The following MAML3 variants were observed in gnomAD, a reference collection of about 807,000 sequenced individuals.
MAML3 encodes mastermind like transcriptional coactivator 3.
A neutral mutation model predicts 101.9 loss-of-function variants in MAML3; 27 were observed. The ratio of observed to expected loss-of-function variants is 0.27; its 90% CI spans 0.20 to 0.37. The LOEUF is 0.37. Among genes scored for constraint, MAML3 ranks in the 10% least tolerant of loss-of-function variants. The pLI is 1.00. For synonymous variants in MAML3, 501 were observed against 555.9 expected (o/e 0.90, Z 1.39); for missense variants, 1,316 against 1,444.9 (o/e 0.91, Z 1.45).
chr4:139,767,220 A>T (rs1430350300), intron 2 of MAML3, among the ~76,000 whole-genome samples: 1 of 152,164 alleles, frequency 6.6e-6, no homozygotes, highest in African/African-American at 2.4e-5. Flanking sequence ...TTGGCACGGA[A>T]TCTCTTTTGG....
intron 1 of MAML3, among the ~76,000 whole-genome samples, chr4:140,106,570 T>A (rs1446288341): frequency 1.3e-5 from 2 of 152,252 alleles, no homozygotes; most frequent in African/African-American, 2.4e-5. Flanking sequence ...AAATCAGTAT[T>A]TCCAAATACC....
At chr4:139,954,436 T>C (rs1733882676) in intron 1 of MAML3, among the ~76,000 whole-genome samples, 1 of 152,230 alleles carries the variant, frequency 6.6e-6, no homozygotes, top group South Asian at 2.1e-4. Flanking sequence ...TTTGTCAGAA[T>C]TTCTGCTGTG....
At chr4:139,893,378 T>G (rs953404001) in intron 1 of MAML3, among the ~76,000 whole-genome samples, 11 of 152,194 alleles carry the variant, frequency 7.2e-5, no homozygotes, top group African/African-American at 2.7e-4. Flanking sequence ...GAAATAGGTC[T>G]TTCCAAGCAG....
At chr4:139,736,961 G>C (rs370234243) in intron 2 of MAML3, among the ~76,000 whole-genome samples, 3 of 152,326 alleles carry the variant, frequency 2.0e-5, no homozygotes, top group East Asian at 3.9e-4. Flanking sequence ...GCTCAGGCCA[G>C]TGATGTTTGC....
intron 1 of MAML3, among the ~76,000 whole-genome samples, chr4:140,091,820 C>A (rs187764592): frequency 5.3e-5 from 8 of 151,904 alleles, no homozygotes; most frequent in African/African-American, 1.9e-4. Context: ...GCAGGGCAGA[C>A]CCAGGCTAGC....
In MAML3 at chr4:139,735,360, TTTC is replaced by T. The variant is rs1157937648; in HGVS notation, c.2080-4696_2080-4694del. Among the ~76,000 whole-genome samples, 1 of 152,086 alleles carries T rather than the reference TTTC, an allele frequency of 6.6e-6. No homozygotes were observed. Among genetic ancestry groups the T allele is most frequent in the Non-Finnish European group, 1.5e-5 (1 of 68,014 alleles). On this transcript the variant is annotated intron_variant, in intron 2 of 4. Coordinates refer to ENST00000509479, the MANE Select transcript of MAML3 (RefSeq NM_018717.5). This position sits in a 1 kb window ranked among gnomAD's most constrained non-coding sequence, Gnocchi z 5.8. ...CTGAACTGGTTTCTCATTACCGACT[TTTC>T]TTCCAGCCGGAGGGGAGGAAGAATT...
intron 1 of MAML3, among the ~76,000 whole-genome samples, chr4:140,126,784 A>G (rs1347081132): frequency 2.0e-5 from 3 of 152,156 alleles, no homozygotes; most frequent in East Asian, 3.9e-4. Context: ...AAAACCAAAC[A>G]TCTTCCCTCC....
chr4:140,074,246 A>AAAGG (rs1727729017), intron 1 of MAML3, among the ~76,000 whole-genome samples: 1 of 137,718 alleles, frequency 7.3e-6, no homozygotes, highest in East Asian at 2.0e-4. Flanking sequence ...AGAAAGAAAG[A>AAAGG]AAGAAAGAAA....
chr4:140,090,248 T>TG (rs1483047886), intron 1 of MAML3, among the ~76,000 whole-genome samples: 1 of 152,158 alleles, frequency 6.6e-6, no homozygotes, highest in Non-Finnish European at 1.5e-5. Context: ...TTTTCCAGTG[T>TG]GGAATATCCA....
At chr4:139,998,397 T>C (rs1036031556) in intron 1 of MAML3, among the ~76,000 whole-genome samples, 4 of 152,224 alleles carry the variant, frequency 2.6e-5, no homozygotes, top group African/African-American at 9.6e-5. Flanking sequence ...TTGATTCATG[T>C]TTGATTGATT....
chr4:140,152,571 AG>A (rs1195479370), intron 1 of MAML3, among the ~76,000 whole-genome samples: 2 of 151,934 alleles, frequency 1.3e-5, no homozygotes, highest in African/African-American at 4.8e-5. Flanking sequence ...AAACTTTTCC[AG>A]CACCTCACTC....
At chr4:140,137,680 G>A (rs1362018112) in intron 1 of MAML3, among the ~76,000 whole-genome samples, 1 of 152,242 alleles carries the variant, frequency 6.6e-6, no homozygotes, top group Non-Finnish European at 1.5e-5. Context: ...ATTAGAAAAA[G>A]TGGATGAGAA....
chr4:140,142,242 C>CAATATAT (rs1728990103), intron 1 of MAML3, among the ~76,000 whole-genome samples: 1 of 151,860 alleles, frequency 6.6e-6, no homozygotes, highest in Non-Finnish European at 1.5e-5. Flanking sequence ...TGATTATGTA[C>CAATATAT]AATATATAAT....
At chr4:139,894,508 TAAAA>T (rs1184853252) in intron 1 of MAML3, among the ~76,000 whole-genome samples, 3 of 84,174 alleles carry the variant, frequency 3.6e-5, no homozygotes, top group African/African-American at 1.0e-4. Context: ...GACTCCATCT[TAAAA>T]AAGAAAGAAA....
chr4:140,115,080 T>C (rs1728497231), intron 1 of MAML3, among the ~76,000 whole-genome samples: 1 of 152,220 alleles, frequency 6.6e-6, no homozygotes, highest in Admixed American at 6.5e-5. Flanking sequence ...TGAAGTCTCA[T>C]TTTAATACAA....
chr4:140,084,671 G>A (rs1727922463), intron 1 of MAML3, among the ~76,000 whole-genome samples: 1 of 151,674 alleles, frequency 6.6e-6, no homozygotes, highest in Non-Finnish European at 1.5e-5. Flanking sequence ...TTTATTTCCT[G>A]ACCTCCAAAA....
In MAML3 at chr4:139,982,458, G is replaced by A. The variant is rs557166713; in HGVS notation, c.469-91491C>T. On this transcript the variant is annotated intron_variant, in intron 1 of 4. Coordinates refer to ENST00000509479, the MANE Select transcript of MAML3 (RefSeq NM_018717.5). The stretch of plus-strand genomic sequence containing the variant: ...TTGTTTTTACTGGAGAATGGTATTA[G>A]AAACCAAGGTCTGGGTCCCACATGT... 3.3e-5 allele frequency among the ~76,000 whole-genome samples: 5 copies of A among 152,222 alleles called. No homozygotes were observed. The South Asian group carries it at 1.0e-3, about 32-fold the overall frequency.
chr4:139,768,758 G>A (rs1293959094), intron 2 of MAML3, among the ~76,000 whole-genome samples: 1 of 152,224 alleles, frequency 6.6e-6, no homozygotes, highest in African/African-American at 2.4e-5. Flanking sequence ...GATGTATGGG[G>A]TCTGGGTAGA....
At chr4:139,766,705 T>C (rs928594611) in intron 2 of MAML3, among the ~76,000 whole-genome samples, 1 of 152,166 alleles carries the variant, frequency 6.6e-6, no homozygotes, top group East Asian at 1.9e-4. Context: ...CCTTCTACCA[T>C]GATTTAGAAA....
Sources: allele counts gnomAD v4.1 joint callset (sites outside exome capture counted in the v4.1 genomes callset), GRCh38; gene constraint gnomAD v4.1.1; non-coding constraint Gnocchi (gnomAD v3.1); transcripts MANE v1.5; gene names NCBI Gene and HGNC (gene_info 2026-07-23, HGNC 2026-07-21).